The following IL4R variants were observed in gnomAD, a reference collection of about 807,000 sequenced individuals.
The protein encoded by IL4R is interleukin 4 receptor, also known as interleukin-4 receptor subunit alpha.
Under a neutral mutation model 41.5 loss-of-function variants are expected in IL4R, and 17 were observed. The ratio of observed to expected loss-of-function variants is 0.41; its 90% confidence interval spans 0.28 to 0.61. IL4R has a LOEUF of 0.61. Among genes scored for constraint, IL4R ranks in the 20% least tolerant of loss-of-function variants. IL4R has a pLI of 0.31. For missense variants in IL4R, 974 were observed against 1,043.1 expected (o/e 0.93, Z 0.91); for synonymous variants, 402 against 422.9 (o/e 0.95, Z 0.61).
chr16:27,326,248 A>G (rs2084953115), intron 1 of IL4R, among the ~76,000 whole-genome samples: 1 of 152,116 alleles, frequency 6.6e-6, no homozygotes, highest in Non-Finnish European at 1.5e-5. Context: ...TTGCTCAAAT[A>G]TTTGTTAAAA....
chr16:27,346,087 G>A lies in IL4R; in HGVS notation c.362-380G>A, dbSNP rs563362582. On this transcript the variant is annotated intron_variant, in intron 5 of 10. Transcript: ENST00000395762. ...AAGGTGGTTAGTAAAGACCAGGCGC[G>A]GTGGCTCATGCCTGGAATCCCAGCA... Among the ~76,000 whole-genome samples, 16 of 152,172 alleles carry A rather than the reference G, an allele frequency of 1.1e-4. 1 individual carries two copies. In the South Asian group the frequency reaches 3.1e-3, roughly 30 times the overall value.
rs969902818 is a variant in IL4R, at chr16:27,363,837, G to A, written c.*7G>A. 1.9e-6 allele frequency: 3 copies of A among 1,595,844 alleles called. No individual in the cohort carries two copies. Among genetic ancestry groups the A allele is most frequent in the African/African-American group, 1.3e-5 (1 of 74,960 alleles). On this transcript the variant is annotated 3_prime_UTR_variant, in exon 11 of 11. Transcript: ENST00000395762. ...ATACATGAGGGTCTCTTAGGTGCAT[G>A]TCCTCTTGTTGCTGAGTCTGCAGAT...
chr16:27,340,075 G>A, intron 2 of IL4R, 111 bp from the exon 3 acceptor site: 1 of 704,716 alleles, frequency 1.4e-6, no homozygotes, highest in Admixed American at 2.5e-5. Context: ...AAACAAACAA[G>A]CAAACAAACA....
chr16:27,326,202 C>G (rs1405952535), intron 1 of IL4R, among the ~76,000 whole-genome samples: 1 of 152,150 alleles, frequency 6.6e-6, no homozygotes, highest in Non-Finnish European at 1.5e-5. Context: ...CTCATCATGT[C>G]ACTTCTTTGC....
rs1190228967 is a variant in IL4R at position 27,362,461 on chromosome 16, A to G, written c.1109A>G (p.Glu370Gly). 5 of 1,613,738 alleles carry G rather than the reference A, an allele frequency of 3.1e-6. No individual in the cohort carries two copies. The highest frequency in any genetic ancestry group is 4.2e-6 in the Non-Finnish European group (5 of 1,179,974). Residue 370 changes from glutamate to glycine, a missense_variant, in exon 11 of 11, where the codon GAG (glutamate) becomes GGG (glycine). By Grantham distance (98) the Glu-to-Gly change is moderately conservative. Transcript: ENST00000395762. ...RCVELFEAPV[E>G]CEEEEEVEEE... ...GTGGAGTTGTTTGAGGCCCCGGTGG[A>G]GTGTGAGGAGGAGGAGGAGGTAGAG... is the stretch of plus-strand genomic sequence containing the variant.
At chr16:27,350,774 T>G (rs191002489) in intron 6 of IL4R, among the ~76,000 whole-genome samples, 3 of 152,298 alleles carry the variant, frequency 2.0e-5, no homozygotes. Flanking sequence ...GGAAACATGT[T>G]TCTCTCCCGA....
chr16:27,342,405 A>C, intron 4 of IL4R, 146 bp downstream of exon 4: 2 of 923,360 alleles, frequency 2.2e-6, no homozygotes, highest in Non-Finnish European at 3.3e-6. Flanking sequence ...GGGAGGTCCC[A>C]TCTCCAGGGA....
chr16:27,357,238 C>A (rs1156983777), intron 8 of IL4R, among the ~76,000 whole-genome samples: 1 of 152,116 alleles, frequency 6.6e-6, no homozygotes, highest in African/African-American at 2.4e-5. Context: ...ATCACTATAT[C>A]CCAGCATGCC....
At chr16:27,316,045 C>G (rs932706821) in intron 1 of IL4R, among the ~76,000 whole-genome samples, 1 of 152,082 alleles carries the variant, frequency 6.6e-6, no homozygotes, top group Non-Finnish European at 1.5e-5. Context: ...TCTAATGCTC[C>G]CAGTTCAAAA....
intron 2 of IL4R, among the ~76,000 whole-genome samples, chr16:27,338,698 G>A (rs1027771134): frequency 3.9e-5 from 6 of 151,980 alleles, no homozygotes; most frequent in African/African-American, 7.2e-5. Flanking sequence ...CCTCATGAAC[G>A]GGCTGAAGGA....
Position 27,345,189 on chromosome 16 carries a change from C to A in IL4R, c.361+169C>A. 1 of 784,040 alleles carries A rather than the reference C, an allele frequency of 1.3e-6. No homozygotes were observed. The highest frequency in any genetic ancestry group is 2.2e-6 in the Non-Finnish European group (1 of 461,110). 48.6% of individuals were successfully genotyped at this position (784,040 alleles called of 1,614,324 possible). ...CTGCCCCTGCCTGGGCCTCAGTCCT[C>A]CCACCTTTGAAACGGAGCTGGTCGC... On this transcript the variant is annotated intron_variant, in intron 5 of 10. Transcript: ENST00000395762. The surrounding 1 kb of genome is among the most constrained non-coding windows in gnomAD (Gnocchi z 4.5).
chr16:27,359,439 A>G (rs898811267), intron 9 of IL4R, among the ~76,000 whole-genome samples: 1 of 151,916 alleles, frequency 6.6e-6, no homozygotes, highest in Admixed American at 6.6e-5. Context: ...AATGTATCCC[A>G]CCCCTAAGCC....
chr16:27,353,681 T>G (rs1567329537), intron 7 of IL4R, among the ~76,000 whole-genome samples: 1 of 152,168 alleles, frequency 6.6e-6, no homozygotes, highest in Non-Finnish European at 1.5e-5. Flanking sequence ...TTAAAATAAA[T>G]AGAGACAGGG....
chr16:27,319,596 A>G (rs144311369), intron 1 of IL4R, among the ~76,000 whole-genome samples: 2 of 152,286 alleles, frequency 1.3e-5, no homozygotes, highest in East Asian at 3.9e-4. Flanking sequence ...TCCAAGCCCC[A>G]TTTTACAGAC....
chr16:27,341,246 T>A, intron 3 of IL4R: 1 of 662,058 alleles, frequency 1.5e-6, no homozygotes, highest in Admixed American at 2.3e-5. Flanking sequence ...CTCCAAGATT[T>A]CTGACCTAAA....
chr16:27,352,905 A>G (rs764974743), intron 7 of IL4R, among the ~76,000 whole-genome samples: 1 of 152,210 alleles, frequency 6.6e-6, no homozygotes, highest in Non-Finnish European at 1.5e-5. Context: ...CCATGGCTTA[A>G]CACTATGGGA....
intron 6 of IL4R, among the ~76,000 whole-genome samples, chr16:27,351,491 G>A (rs999428254): frequency 6.8e-6 from 1 of 146,860 alleles, no homozygotes; most frequent in Non-Finnish European, 1.5e-5. Context: ...AGTGATCACT[G>A]TGCCATCTCT....
chr16:27,344,785 G>T, intron 4 of IL4R, 84 bp from the exon 5 acceptor site: 1 of 1,368,568 alleles, frequency 7.3e-7, no homozygotes, highest in African/African-American at 1.4e-5. Context: ...GTCTGATGCG[G>T]TTCCTGGAGG....
Position 27,327,507 on chromosome 16 carries a change from C to T in IL4R, c.-151-2559C>T, listed in dbSNP as rs577347316. Reference sequence around the variant, plus strand: ...CATGCTTCTGCTCATTTCCTGGCTGCGGCCTTCACTGACTTTGCTGCTTCC... The same window carrying T: ...CATGCTTCTGCTCATTTCCTGGCTGTGGCCTTCACTGACTTTGCTGCTTCC... On this transcript the variant is annotated intron_variant, in intron 1 of 10. Coordinates refer to ENST00000395762, the MANE Select transcript of IL4R (RefSeq NM_000418.4). Among the ~76,000 whole-genome samples, 15 of 152,298 alleles carry T rather than the reference C, an allele frequency of 9.8e-5. No homozygotes were observed. In the South Asian group the frequency reaches 2.7e-3, roughly 27 times the overall value.
Sources: gnomAD v4.1 joint callset for allele counts (sites outside exome capture counted in the v4.1 genomes callset) on GRCh38, gnomAD v4.1.1 for gene constraint, Gnocchi (gnomAD v3.1) non-coding constraint, MANE v1.5 for transcripts, NCBI Gene and HGNC (gene_info 2026-07-23, HGNC 2026-07-21) for gene names.